ZDHHC19: variants seen among roughly 807,000 people sequenced by gnomAD.
The protein encoded by ZDHHC19 is zDHHC palmitoyltransferase 19.
ZDHHC19 carries 30 observed loss-of-function variants against 33.9 expected under a neutral mutation model. The ratio of observed to expected loss-of-function variants is 0.88; its 90% CI spans 0.66 to 1.20. ZDHHC19 has a LOEUF of 1.20. Ranked by LOEUF, ZDHHC19 falls within the 50% of genes most tolerant of loss-of-function variation. ZDHHC19 has a pLI of 0.00. For synonymous variants in ZDHHC19, 178 were observed against 167.6 expected (o/e 1.06, Z -0.48); for missense variants, 364 against 401.1 (o/e 0.91, Z 0.79).
intron 6 of ZDHHC19, 117 bp from the exon 7 acceptor site, chr3:196,198,568 G>A (rs1721989568): frequency 3.2e-6 from 5 of 1,553,738 alleles, no homozygotes; most frequent in Non-Finnish European, 4.3e-6. Context: ...GCTGAGGCCA[G>A]CCTCATCCAG....
intron 3 of ZDHHC19, chr3:196,209,070 A>C: frequency 1.2e-5 from 4 of 347,140 alleles, no homozygotes; most frequent in Non-Finnish European, 1.6e-5. Flanking sequence ...GGGCTTGGGT[A>C]TCTCGTGTTA....
intron 3 of ZDHHC19, 43 bp downstream of exon 3, chr3:196,209,333 A>T: frequency 6.4e-7 from 1 of 1,558,062 alleles, no homozygotes; most frequent in East Asian, 2.4e-5. Flanking sequence ...GGTCCCAGCC[A>T]GATGTGGGGC....
intron 1 of ZDHHC19, among the ~76,000 whole-genome samples, 170 bp downstream of exon 1, chr3:196,211,000 C>T (rs1359787711): frequency 1.3e-5 from 2 of 151,062 alleles, no homozygotes; most frequent in African/African-American, 2.4e-5. Flanking sequence ...CTTTTCCCTG[C>T]CCGCACCCTT....
chr3:196,210,568 C>G lies in ZDHHC19; in HGVS notation c.268+48G>C, dbSNP rs749383483. The G allele has an allele frequency of 3.7e-6, 6 of 1,612,554 alleles. 1 individual carries two copies. The South Asian group carries it at 5.5e-5, about 15-fold the overall frequency. ...ACTTTAGGAATCCCCCCTGCAGGTTCCCAGCCCTTGAGTGACACCTCCTTT... is the reference window on the plus strand; with the variant it reads ...ACTTTAGGAATCCCCCCTGCAGGTTGCCAGCCCTTGAGTGACACCTCCTTT... On this transcript the variant is annotated intron_variant, in intron 2 of 7. Coordinates refer to ENST00000296326, the MANE Select transcript of ZDHHC19 (RefSeq NM_001039617.2).
chr3:196,208,810 CTT>C, intron 3 of ZDHHC19: 1 of 509,588 alleles, frequency 2.0e-6, no homozygotes, highest in Non-Finnish European at 3.5e-6. Context: ...CTGGCCTGGC[CTT>C]CTGTGAGACA....
chr3:196,211,350 G>A lies in ZDHHC19; in HGVS notation c.-35C>T. The stretch of plus-strand genomic sequence containing the variant: ...TCCTTCGCCTCCAGGGGAGGTCAGA[G>A]CCACCAGGCTTCCTCCCCCAGCCCA... On this transcript the variant is annotated 5_prime_UTR_variant, in exon 1 of 8. Coordinates refer to ENST00000296326, the MANE Select transcript of ZDHHC19 (RefSeq NM_001039617.2). 1 of 1,566,922 alleles carries A rather than the reference G, an allele frequency of 6.4e-7. No individual in the cohort carries two copies. The highest frequency in any genetic ancestry group is 8.6e-7 in the Non-Finnish European group (1 of 1,156,928).
At chr3:196,206,855 G>T (rs1298055418) in intron 5 of ZDHHC19, among the ~76,000 whole-genome samples, 1 of 151,824 alleles carries the variant, frequency 6.6e-6, no homozygotes, top group Non-Finnish European at 1.5e-5. Flanking sequence ...CCACCTTCTT[G>T]CCCCAGTTAG....
At chr3:196,198,610 A>C in intron 6 of ZDHHC19, 159 bp from the exon 7 acceptor site, 1 of 1,547,534 alleles carries the variant, frequency 6.5e-7, no homozygotes, top group Non-Finnish European at 8.7e-7. Context: ...ATAGTGGGGC[A>C]GGAACACACA....
chr3:196,200,615 A>G (rs1357480307), intron 5 of ZDHHC19, among the ~76,000 whole-genome samples: 1 of 148,974 alleles, frequency 6.7e-6, no homozygotes, highest in Non-Finnish European at 1.5e-5. Context: ...TGGCCTCCCA[A>G]AGTGCTGGGA....
Position 196,209,418 on chromosome 3 carries a change from C to T in ZDHHC19, c.366G>A (p.Pro122=), listed in dbSNP as rs914829748. The change falls in exon 3 of 8, where the codon CCG becomes CCA. Residue 122 remains proline, a synonymous_variant. Coordinates refer to ENST00000296326, the MANE Select transcript of ZDHHC19 (RefSeq NM_001039617.2). ...QWCPKCCFHR[P]PRTYHCPWCN... is the part of the protein sequence containing the mutation. ...ACCAGGGGCAGTGGTAAGTCCGGGG[C>T]GGGCGGTGGAAGCAGCACTTTGGAC... 5 of 1,607,814 alleles carry T rather than the reference C, an allele frequency of 3.1e-6. No individual in the cohort carries two copies. The highest frequency in any genetic ancestry group is 1.7e-5 in the Admixed American group (1 of 58,898).
In ZDHHC19 at chr3:196,210,633, G is replaced by A; in HGVS notation, c.251C>T (p.Pro84Leu). The A allele has an allele frequency of 6.2e-7, 1 of 1,614,084 alleles. No homozygotes were observed. The highest frequency in any genetic ancestry group is 8.5e-7 in the Non-Finnish European group (1 of 1,179,980). Reference sequence around the variant, plus strand: ...TGCCTCACCTTGATGTAAGATGCCAGGGTCTGAGAAGTTGAGTGAAACAAG... The same window carrying A: ...TGCCTCACCTTGATGTAAGATGCCAAGGTCTGAGAAGTTGAGTGAAACAAG... ...FSLVSLNFSD[P>L]GILHQGSAEQ... The change falls in exon 2 of 8, where the codon CCT becomes CTT. Residue 84 changes from proline to leucine, a missense_variant. By Grantham distance (98) the Pro-to-Leu change is moderately conservative (BLOSUM62 -3). Coordinates refer to ENST00000296326, the MANE Select transcript of ZDHHC19 (RefSeq NM_001039617.2).
Position 196,209,426 on chromosome 3 carries a change from G to A in ZDHHC19, c.358C>T (p.His120Tyr). 4.3e-6 allele frequency: 7 copies of A among 1,609,700 alleles called. No homozygotes were observed. The highest frequency in any genetic ancestry group is 5.9e-6 in the Non-Finnish European group (7 of 1,178,380). ...RLQWCPKCCF[H>Y]RPPRTYHCPW... ...CAGTGGTAAGTCCGGGGCGGGCGGTGGAAGCAGCACTTTGGACACCATTGC... is the reference window on the plus strand; with the variant it reads ...CAGTGGTAAGTCCGGGGCGGGCGGTAGAAGCAGCACTTTGGACACCATTGC... The change falls in exon 3 of 8, where the codon CAC (histidine) becomes TAC (tyrosine). Residue 120 changes from histidine (H) to tyrosine (Y), a missense_variant. Physicochemically the swap from His to Tyr is moderately conservative, Grantham distance 83. Transcript: ENST00000296326.
At chr3:196,208,658 C>A in intron 3 of ZDHHC19, 98 bp from the exon 4 acceptor site, 1 of 1,425,246 alleles carries the variant, frequency 7.0e-7, no homozygotes. Context: ...TTCTAGGCCA[C>A]CTGCCCTTGG....
In ZDHHC19 at chr3:196,208,563, G is replaced by C. The variant is rs765546762; in HGVS notation, c.409-3C>G. 8 of 1,613,816 alleles carry C rather than the reference G, an allele frequency of 5.0e-6. No individual in the cohort carries two copies. The South Asian group carries it at 7.7e-5, about 16-fold the overall frequency. ...CACTTGCAGTGGTGGTCAAAGTCCT[G>C]GGCGACAGGGAGAGGGGCCAGGCTT... On this transcript the variant is annotated splice_region_variant and splice_polypyrimidine_tract_variant and intron_variant, in intron 3 of 7. Coordinates refer to ENST00000296326, the MANE Select transcript of ZDHHC19 (RefSeq NM_001039617.2).
chr3:196,209,133 G>T, intron 3 of ZDHHC19: 1 of 545,146 alleles, frequency 1.8e-6, no homozygotes, highest in Non-Finnish European at 3.2e-6. Context: ...GCCTGACCCA[G>T]CCCAGGACAG....
intron 1 of ZDHHC19, 55 bp from the exon 2 acceptor site, chr3:196,210,792 C>G (rs1723242412): frequency 6.3e-7 from 1 of 1,591,922 alleles, no homozygotes; most frequent in African/African-American, 1.3e-5. Context: ...GCCCCCGGCC[C>G]AAGGCCTGTG....
chr3:196,208,498 G>A lies in ZDHHC19; in HGVS notation c.471C>T (p.Phe157=). 6.2e-7 allele frequency: 1 copy of A among 1,614,190 alleles called. No homozygotes were observed. The highest frequency in any genetic ancestry group is 8.5e-7 in the Non-Finnish European group (1 of 1,180,008). ...NCIGHRNFRF[F]MLLVLSLCLY... ...GGCACAGGGACAGGACAAGCAGCATGAAGAAGCGGAAGTTGCGGTGACCGA... is the reference window on the plus strand; with the variant it reads ...GGCACAGGGACAGGACAAGCAGCATAAAGAAGCGGAAGTTGCGGTGACCGA... The change falls in exon 4 of 8, where the codon TTC becomes TTT. Residue 157 remains phenylalanine (F), a synonymous_variant. Coordinates refer to ENST00000296326, the MANE Select transcript of ZDHHC19 (RefSeq NM_001039617.2).
In ZDHHC19 at chr3:196,209,368, G is replaced by A; in HGVS notation, c.408+8C>T. 1 of 1,591,510 alleles carries A rather than the reference G, an allele frequency of 6.3e-7. No individual in the cohort carries two copies. The highest frequency in any genetic ancestry group is 1.1e-5 in the South Asian group (1 of 87,662). On this transcript the variant is annotated splice_region_variant and intron_variant, in intron 3 of 7. Transcript: ENST00000296326. Reference sequence around the variant, plus strand: ...CGATGGCTGGTGGACAGGTAGAGGGGCACTCACCTCCACACAGATGTTGCA... The same window carrying A: ...CGATGGCTGGTGGACAGGTAGAGGGACACTCACCTCCACACAGATGTTGCA...
At chr3:196,210,400 A>AG (rs1723178487) in intron 2 of ZDHHC19, among the ~76,000 whole-genome samples, 1 of 144,312 alleles carries the variant, frequency 6.9e-6, no homozygotes, top group Non-Finnish European at 1.5e-5. Context: ...GGAAAGAAAG[A>AG]GGGAGAGAGA....
Sources: allele counts gnomAD v4.1 joint callset (sites outside exome capture counted in the v4.1 genomes callset), GRCh38; gene constraint gnomAD v4.1.1; transcripts MANE v1.5; gene names NCBI Gene and HGNC (gene_info 2026-07-23, HGNC 2026-07-21).